AFF3: variants seen among roughly 807,000 people sequenced by gnomAD.
AFF3 encodes the protein ALF transcription elongation factor 3.
Under a neutral mutation model 129.7 loss-of-function variants are expected in AFF3, and 32 were observed. The observed-to-expected ratio is 0.25, with a 90% confidence interval of 0.19 to 0.33. The LOEUF is 0.33. Ranked by LOEUF, AFF3 falls within the 10% of genes least tolerant of loss-of-function variation. AFF3 has a pLI of 1.00. For missense variants in AFF3, 1,373 were observed against 1,592.0 expected (o/e 0.86, Z 2.34); for synonymous variants, 644 against 635.4 (o/e 1.01, Z -0.20).
chr2:100,009,526 T>A (rs1188345880), intron 4 of AFF3, among the ~76,000 whole-genome samples: 2 of 152,076 alleles, frequency 1.3e-5, no homozygotes, highest in Non-Finnish European at 2.9e-5. Context: ...CTATCACTCC[T>A]CCTAACTATG....
chr2:99,910,973 T>A (rs990697730), intron 7 of AFF3, among the ~76,000 whole-genome samples: 1 of 152,218 alleles, frequency 6.6e-6, no homozygotes, highest in Admixed American at 6.5e-5. Flanking sequence ...CTCACTCTGA[T>A]ATTTGGTGAA....
At chr2:100,002,243 G>C (rs142986352) in intron 7 of AFF3, among the ~76,000 whole-genome samples, 4 of 152,032 alleles carry the variant, frequency 2.6e-5, no homozygotes. Flanking sequence ...TTTTTTGCCC[G>C]ACAGGCTGGT....
chr2:99,858,606 G>A (rs757353375), intron 7 of AFF3, among the ~76,000 whole-genome samples: 1 of 152,132 alleles, frequency 6.6e-6, no homozygotes, highest in Non-Finnish European at 1.5e-5. Flanking sequence ...GCAGGGACAT[G>A]GATGGGGCTG....
chr2:99,927,762 A>C (rs1251182100), intron 7 of AFF3, among the ~76,000 whole-genome samples: 1 of 152,246 alleles, frequency 6.6e-6, no homozygotes, highest in Non-Finnish European at 1.5e-5. Context: ...TTAAATACTA[A>C]GTGTCCTAAT....
intron 7 of AFF3, among the ~76,000 whole-genome samples, chr2:99,986,201 A>T (rs920878159): frequency 1.5e-5 from 2 of 137,102 alleles, no homozygotes; most frequent in South Asian, 2.5e-4. Flanking sequence ...ACTTCATCTC[A>T]AATAATAATA....
At chr2:100,016,020 AGTGGTGGTGGTG>A (rs79769916) in intron 4 of AFF3, among the ~76,000 whole-genome samples, 2,892 of 146,390 alleles carry the variant, frequency 0.02, 101 homozygotes, top group African/African-American at 0.07. Flanking sequence ...GTGTTGTGGT[AGTGGTGGTGGTG>A]GTGGTGATGG....
At chr2:99,867,928 G>A (rs1353015482) in intron 7 of AFF3, among the ~76,000 whole-genome samples, 2 of 152,236 alleles carry the variant, frequency 1.3e-5, no homozygotes, top group South Asian at 2.1e-4. Context: ...GCCCCTGGGC[G>A]AGGCGGGCAC....
intron 7 of AFF3, among the ~76,000 whole-genome samples, chr2:99,849,234 A>G (rs1457513934): frequency 6.6e-6 from 1 of 152,156 alleles, no homozygotes; most frequent in East Asian, 1.9e-4. Context: ...ACCACTTTAC[A>G]TGGCAGCCCC....
chr2:99,687,740 GA>G (rs1299168312), intron 11 of AFF3, among the ~76,000 whole-genome samples: 1 of 152,158 alleles, frequency 6.6e-6, no homozygotes, highest in African/African-American at 2.4e-5. Flanking sequence ...AAGTTACCAA[GA>G]GAACACAGAG....
At chr2:99,661,957 C>T (rs1303089924) in intron 12 of AFF3, among the ~76,000 whole-genome samples, 2 of 152,014 alleles carry the variant, frequency 1.3e-5, no homozygotes, top group Non-Finnish European at 2.9e-5. Flanking sequence ...CTGGCCAACG[C>T]GGTGAAACCC....
chr2:99,952,845 G>A lies in AFF3; in HGVS notation c.873+53787C>T, dbSNP rs972398513. Among the ~76,000 whole-genome samples, 27 of 152,174 alleles carry A rather than the reference G, an allele frequency of 1.8e-4. 1 individual carries two copies. On this transcript the variant is annotated intron_variant, in intron 7 of 24. Coordinates refer to ENST00000672756, the MANE Select transcript of AFF3 (RefSeq NM_001386135.1). ...AGTGTGGAGGGCAGGCAGCTTGGGT[G>A]CAAATCCTGCCTCTCGAACTTACTA...
intron 4 of AFF3, among the ~76,000 whole-genome samples, chr2:100,061,403 T>C (rs1687260867): frequency 6.6e-6 from 1 of 152,100 alleles, no homozygotes; most frequent in South Asian, 2.1e-4. Context: ...TGTAATGGCT[T>C]CCTGATCATC....
At chr2:99,643,463 T>A (rs1335851478) in intron 13 of AFF3, among the ~76,000 whole-genome samples, 1 of 152,130 alleles carries the variant, frequency 6.6e-6, no homozygotes, top group African/African-American at 2.4e-5. Context: ...CACCATAACA[T>A]CTTCATGGAA....
intron 8 of AFF3, among the ~76,000 whole-genome samples, chr2:99,824,922 C>A (rs1687959823): frequency 6.6e-6 from 1 of 152,136 alleles, no homozygotes; most frequent in Non-Finnish European, 1.5e-5. Context: ...TCTAAACAAC[C>A]CCAGCGGTGG....
At chr2:99,593,015 C>T (rs1284573289) in intron 15 of AFF3, among the ~76,000 whole-genome samples, 180 bp downstream of exon 15, 5 of 142,874 alleles carry the variant, frequency 3.5e-5, no homozygotes, top group Non-Finnish European at 7.5e-5. Context: ...TAAGTGCTTA[C>T]AACAGTGTCT....
chr2:100,054,042 C>T (rs1446965321), intron 4 of AFF3, among the ~76,000 whole-genome samples: 1 of 152,194 alleles, frequency 6.6e-6, no homozygotes, highest in Non-Finnish European at 1.5e-5. Flanking sequence ...TTCCATTTAA[C>T]AGTCAGTCTA....
intron 14 of AFF3, among the ~76,000 whole-genome samples, chr2:99,599,514 C>A (rs527622821): frequency 2.0e-5 from 3 of 152,288 alleles, no homozygotes; most frequent in Non-Finnish European, 4.4e-5. Flanking sequence ...GTTCAGCCTC[C>A]CAAAGTGCTG....
At chr2:100,059,254 CAAAAAAAAAAAAAA>C (rs59005550) in intron 4 of AFF3, among the ~76,000 whole-genome samples, 1 of 31,002 alleles carries the variant, frequency 3.2e-5, no homozygotes, top group Non-Finnish European at 5.2e-5. Flanking sequence ...ACTCTGTCTC[CAAAAAAAAAAAAAA>C]AAAAAAAAAA....
At chr2:99,956,928 T>C (rs868192547) in intron 7 of AFF3, among the ~76,000 whole-genome samples, 3 of 152,190 alleles carry the variant, frequency 2.0e-5, no homozygotes, top group South Asian at 2.1e-4. Context: ...AGGTTAAGCA[T>C]AAAACAAAAT....
Sources: gnomAD v4.1 joint callset for allele counts (sites outside exome capture counted in the v4.1 genomes callset) on GRCh38, gnomAD v4.1.1 for gene constraint, MANE v1.5 for transcripts, NCBI Gene and HGNC (gene_info 2026-07-23, HGNC 2026-07-21) for gene names.